The following NLGN4Y variants were observed in gnomAD, a reference collection of about 807,000 sequenced individuals.
The protein encoded by NLGN4Y is neuroligin 4 Y-linked.
In NLGN4Y, 4 loss-of-function variants were observed where a neutral mutation model predicts 8.4. The ratio of observed to expected loss-of-function variants is 0.48; its 90% CI spans 0.23 to 1.09. The LOEUF (loss-of-function observed/expected upper bound fraction) is 1.09, where lower values mean the gene tolerates loss of function less well. Among genes scored for constraint, NLGN4Y ranks in the 50% least tolerant of loss-of-function variants. The pLI is 0.19. For missense variants in NLGN4Y, 90 were observed against 192.3 expected, an observed-to-expected ratio of 0.47 and a Z score of 3.15; for synonymous variants, 35 against 75.6, an observed-to-expected ratio of 0.46 and a Z score of 2.78.
intron 2 of NLGN4Y, among the ~76,000 whole-genome samples, chrY:14,664,837 A>G: frequency 5.9e-5 from 2 of 34,063 alleles, no homozygotes; most frequent in Non-Finnish European, 1.5e-4. Context: ...CTTTTTATCC[A>G]TTCAACTTTG....
At chrY:14,827,087 T>G in intron 5 of NLGN4Y, among the ~76,000 whole-genome samples, 1 of 33,332 alleles carries the variant, frequency 3.0e-5, no homozygotes, top group Admixed American at 2.7e-4. Context: ...ATTCCTTGAG[T>G]TCGTAGTTCA....
chrY:14,666,303 C>T, intron 2 of NLGN4Y, among the ~76,000 whole-genome samples: 1 of 33,028 alleles, frequency 3.0e-5, no homozygotes, highest in Admixed American at 2.8e-4. Flanking sequence ...GTGTCAAATG[C>T]CTGGGCTCAA....
chrY:14,542,022 G>A (rs1025811058), intron 1 of NLGN4Y, among the ~76,000 whole-genome samples: 1 of 33,596 alleles, frequency 3.0e-5, no homozygotes, highest in African/African-American at 1.2e-4. Flanking sequence ...ATAGGCTAAA[G>A]CGTTAACACT....
chrY:14,592,131 T>C (rs750665335), intron 1 of NLGN4Y, among the ~76,000 whole-genome samples: 1 of 31,808 alleles, frequency 3.1e-5, no homozygotes, highest in East Asian at 8.4e-4. Context: ...GGGGTGATTG[T>C]ATGAGGTTTC....
chrY:14,589,686 C>T (rs1023205122), intron 1 of NLGN4Y, among the ~76,000 whole-genome samples: 5 of 34,483 alleles, frequency 1.4e-4, no homozygotes, highest in Admixed American at 2.6e-4. Context: ...AGATTCTCCA[C>T]GTCCCCACCA....
chrY:14,834,757 G>A (rs949821070), intron 6 of NLGN4Y, among the ~76,000 whole-genome samples: 2 of 34,044 alleles, frequency 5.9e-5, no homozygotes, highest in Non-Finnish European at 1.5e-4. Context: ...TGGTCGTCAG[G>A]TGCAGAGAAC....
At chrY:14,593,332 A>G in intron 1 of NLGN4Y, among the ~76,000 whole-genome samples, 1 of 33,689 alleles carries the variant, frequency 3.0e-5, no homozygotes, top group Non-Finnish European at 7.4e-5. Flanking sequence ...CTTATGATAT[A>G]CCAAGGGATA....
chrY:14,559,736 G>C, intron 1 of NLGN4Y, among the ~76,000 whole-genome samples: 1 of 32,695 alleles, frequency 3.1e-5, no homozygotes, highest in Admixed American at 2.8e-4. Flanking sequence ...AGTTAACTGG[G>C]GACTTAGAAT....
chrY:14,813,264 T>A, intron 4 of NLGN4Y, among the ~76,000 whole-genome samples: 2 of 33,219 alleles, frequency 6.0e-5, no homozygotes, highest in Admixed American at 2.8e-4. Flanking sequence ...GATTTAGACC[T>A]CAGAACACTG....
At chrY:14,631,727 TG>T (rs2080550035) in intron 2 of NLGN4Y, among the ~76,000 whole-genome samples, 1 of 34,186 alleles carries the variant, frequency 2.9e-5, no homozygotes, top group Non-Finnish European at 7.3e-5. Context: ...TCACTTGTGA[TG>T]GTGGCTGCAC....
At position 14,596,444 on chromosome Y, in the gene NLGN4Y, A is replaced by C. The variant is rs201960905; in HGVS notation, c.-111-25565A>C. Reference sequence around the variant, plus strand: ...GTTTGTCTGGCAGGCATTGGGACCCAGAGGGCAAGGGTCAGTATAGATAGG... The same window carrying C: ...GTTTGTCTGGCAGGCATTGGGACCCCGAGGGCAAGGGTCAGTATAGATAGG... On this transcript the variant is annotated intron_variant, in intron 1 of 6. Coordinates refer to ENST00000684976, the MANE Select transcript of NLGN4Y (RefSeq NM_001365588.1). Among the ~76,000 whole-genome samples the C allele has an allele frequency of 1.5e-3, 52 of 33,871 alleles. No individual in the cohort carries two copies. The East Asian group carries it at 0.04, about 26-fold the overall frequency. The allele number at this position is 33,871 out of a possible 37,273, so 90.9% of individuals were successfully genotyped here. A position where few individuals can be genotyped will look rare whatever the true frequency, so the allele number is the denominator to read the frequency against.
chrY:14,761,764 C>T (rs771845028), intron 4 of NLGN4Y, among the ~76,000 whole-genome samples: 20 of 34,033 alleles, frequency 5.9e-4, no homozygotes, highest in African/African-American at 2.3e-3. Context: ...GCTTGTCCTG[C>T]GCATTGTAAA....
rs775884044 is a variant in NLGN4Y, at chrY:14,686,653, T to C, written c.473-32806T>C. The stretch of plus-strand genomic sequence containing the variant: ...CCCTGGGTATCTCAGCCTTGTATAC[T>C]CTGGTCTTCTGTTATATCATGTACA... On this transcript the variant is annotated intron_variant, in intron 2 of 6. Coordinates refer to ENST00000684976, the MANE Select transcript of NLGN4Y (RefSeq NM_001365588.1). Among the ~76,000 whole-genome samples, 5 of 32,453 alleles carry C rather than the reference T, an allele frequency of 1.5e-4. No homozygotes were observed. The East Asian group carries it at 4.2e-3, about 27-fold the overall frequency. The allele number at this position is 32,453 out of a possible 37,273, so 87.1% of individuals were successfully genotyped here. A position where few individuals can be genotyped will look rare whatever the true frequency, so the allele number is the denominator to read the frequency against.
chrY:14,621,704 G>A (rs1015159302), intron 1 of NLGN4Y, among the ~76,000 whole-genome samples: 1 of 33,051 alleles, frequency 3.0e-5, no homozygotes, highest in Non-Finnish European at 7.4e-5. Flanking sequence ...CCAGCTACTC[G>A]GGAGGCTGAG....
At chrY:14,596,116 C>G in intron 1 of NLGN4Y, among the ~76,000 whole-genome samples, 1 of 33,270 alleles carries the variant, frequency 3.0e-5, no homozygotes, top group South Asian at 6.7e-4. Flanking sequence ...AGAGTGACAC[C>G]TTTTGTCCTC....
intron 2 of NLGN4Y, among the ~76,000 whole-genome samples, chrY:14,706,720 G>A (rs2080879287): frequency 3.6e-5 from 1 of 27,411 alleles, no homozygotes; most frequent in South Asian, 8.7e-4. Context: ...CTTTTAGGAT[G>A]TAATGAGGAT....
At chrY:14,639,894 T>C in intron 2 of NLGN4Y, 1 of 111,554 alleles carries the variant, frequency 9.0e-6, no homozygotes, top group Non-Finnish European at 1.9e-5. Flanking sequence ...TGAACCAGAA[T>C]AGACCCCTGT....
At chrY:14,574,422 C>CT (rs2080288420) in intron 1 of NLGN4Y, among the ~76,000 whole-genome samples, 1 of 33,081 alleles carries the variant, frequency 3.0e-5, no homozygotes, top group Non-Finnish European at 7.4e-5. Context: ...CAACCCCTGG[C>CT]TTTTTTTGTT....
chrY:14,621,211 C>T, intron 1 of NLGN4Y, among the ~76,000 whole-genome samples: 1 of 32,738 alleles, frequency 3.1e-5, no homozygotes, highest in Non-Finnish European at 7.5e-5. Context: ...GATGATTTTC[C>T]CCTTGTGGCC....
Sources: allele counts gnomAD v4.1 joint callset (sites outside exome capture counted in the v4.1 genomes callset), GRCh38; gene constraint gnomAD v4.1.1; transcripts MANE v1.5; gene names NCBI Gene and HGNC (gene_info 2026-07-23, HGNC 2026-07-21).